NSUN4: variants seen among roughly 807,000 people sequenced by gnomAD.
NSUN4 encodes 5-cytosine rRNA methyltransferase NSUN4.
A neutral mutation model predicts 43.8 loss-of-function variants in NSUN4; 31 were observed. The ratio of observed to expected loss-of-function variants is 0.71; its 90% confidence interval spans 0.53 to 0.96. The LOEUF (loss-of-function observed/expected upper bound fraction) is 0.96, where lower values mean the gene tolerates loss of function less well. Ranked by LOEUF, NSUN4 falls within the 40% of genes least tolerant of loss-of-function variation. The probability of loss-of-function intolerance (pLI) is 0.00; values close to 1 mark genes in which losing one functional copy is unlikely to be tolerated. For synonymous variants in NSUN4, 167 were observed against 184.1 expected, an observed-to-expected ratio of 0.91 and a Z score of 0.75; for missense variants, 439 against 475.6, an observed-to-expected ratio of 0.92 and a Z score of 0.72.
intron 1 of NSUN4, chr1:46,342,749 C>G: frequency 2.5e-6 from 1 of 399,320 alleles, no homozygotes; most frequent in Non-Finnish European, 4.4e-6. Flanking sequence ...CAGTTTCCCC[C>G]CAACCGAAGT....
chr1:46,349,444 G>A (rs1662820654), intron 3 of NSUN4, among the ~76,000 whole-genome samples: 1 of 152,134 alleles, frequency 6.6e-6, no homozygotes, highest in South Asian at 2.1e-4. Context: ...CTGGCGCCTT[G>A]TGCACTGTTA....
intron 1 of NSUN4, chr1:46,341,466 G>A: frequency 2.9e-6 from 3 of 1,017,470 alleles, no homozygotes; most frequent in Non-Finnish European, 3.5e-6. Flanking sequence ...CGACCACCCT[G>A]TCCATACTGC....
At chr1:46,344,473 A>G (rs1340361049) in intron 1 of NSUN4, among the ~76,000 whole-genome samples, 1 of 152,168 alleles carries the variant, frequency 6.6e-6, no homozygotes, top group Non-Finnish European at 1.5e-5. Context: ...GAGCCTCCAT[A>G]GTTTCTCCTA....
chr1:46,354,005 G>T (rs1461728540), intron 4 of NSUN4, among the ~76,000 whole-genome samples: 1 of 152,074 alleles, frequency 6.6e-6, no homozygotes, highest in Non-Finnish European at 1.5e-5. Flanking sequence ...CCCACATGCT[G>T]CCAATATTGG....
At chr1:46,360,929 T>C in intron 5 of NSUN4, 101 bp downstream of exon 5, 2 of 1,332,962 alleles carry the variant, frequency 1.5e-6, no homozygotes, top group Non-Finnish European at 2.1e-6. Flanking sequence ...ACAAGAATCT[T>C]ATGGCTGGAG....
the NSUN4 span, among the ~76,000 whole-genome samples, chr1:46,375,736 CAAAAAAAAAAA>C: frequency 1.4e-5 from 1 of 69,902 alleles, no homozygotes; most frequent in African/African-American, 6.4e-5. Flanking sequence ...GACTCTGTCT[CAAAAAAAAAAA>C]AAAAAAAAAA....
chr1:46,344,945 T>A lies in NSUN4; in HGVS notation c.238T>A (p.Phe80Ile). 1 of 1,614,174 alleles carries A rather than the reference T, an allele frequency of 6.2e-7. No individual in the cohort carries two copies. The highest frequency in any genetic ancestry group is 1.1e-5 in the South Asian group (1 of 91,078). The change falls in exon 2 of 6, where the codon TTT becomes ATT. Residue 80 changes from phenylalanine (F) to isoleucine (I), a missense_variant. Coordinates refer to ENST00000474844, the MANE Select transcript of NSUN4 (RefSeq NM_199044.4). The part of the protein sequence containing the change: ...EQKYGALVNN[F>I]AAWDHVSAKL... Reference sequence around the variant, plus strand: ...GAAGTATGGTGCACTGGTCAATAACTTTGCTGCCTGGGATCATGTAAGTGC... The same window carrying A: ...GAAGTATGGTGCACTGGTCAATAACATTGCTGCCTGGGATCATGTAAGTGC...
At chr1:46,373,090 T>C in the NSUN4 span, among the ~76,000 whole-genome samples, 1 of 152,332 alleles carries the variant, frequency 6.6e-6, no homozygotes, top group South Asian at 2.1e-4. Flanking sequence ...ATCTGAGACC[T>C]CATTAGAATG....
chr1:46,362,047 C>T lies in NSUN4; in HGVS notation c.*201C>T. On this transcript the variant is annotated 3_prime_UTR_variant, in exon 6 of 6. Transcript: ENST00000474844. ...GTGGAGCATCAGCAGGTTTCCAACT[C>T]ACTCATTAACCCCTACCCCATCTCC... 1.7e-6 allele frequency: 1 copy of T among 605,970 alleles called. No homozygotes were observed. Among genetic ancestry groups the T allele is most frequent in the Admixed American group, 3.0e-5 (1 of 33,608 alleles). 37.5% of individuals were successfully genotyped at this position (605,970 alleles called of 1,614,324 possible). A position where few individuals can be genotyped will look rare whatever the true frequency, so the allele number is the denominator to read the frequency against.
At chr1:46,347,859 C>CTTTTTTT (rs112974748) in intron 3 of NSUN4, among the ~76,000 whole-genome samples, 3 of 143,158 alleles carry the variant, frequency 2.1e-5, no homozygotes, top group Non-Finnish European at 1.5e-5. Flanking sequence ...TTTTGACTTT[C>CTTTTTTT]TTTTTTTTTT....
chr1:46,345,212 C>G, intron 2 of NSUN4, 68 bp downstream of exon 2: 4 of 1,155,600 alleles, frequency 3.5e-6, no homozygotes, highest in Non-Finnish European at 4.9e-6. Context: ...TGAGACCCAG[C>G]TTCTACCCTC....
At position 46,360,473 on chromosome 1, in the gene NSUN4, A is replaced by T. The variant is rs192088970; in HGVS notation, c.754-231A>T. Among the ~76,000 whole-genome samples, 130 of 151,218 alleles carry T rather than the reference A, an allele frequency of 8.6e-4. 1 individual carries two copies. Among genetic ancestry groups the T allele is most frequent in the African/African-American group, 2.9e-3 (118 of 41,222 alleles). On this transcript the variant is annotated intron_variant, in intron 4 of 5. Coordinates refer to ENST00000474844, the MANE Select transcript of NSUN4 (RefSeq NM_199044.4). ...AAAAAATTATAGTTACTTGTGTGTTAGTTTTGGGTTTTTGACCAGCCATGA... is the reference window on the plus strand; with the variant it reads ...AAAAAATTATAGTTACTTGTGTGTTTGTTTTGGGTTTTTGACCAGCCATGA...
At chr1:46,341,875 G>C in intron 1 of NSUN4, 1 of 1,232,880 alleles carries the variant, frequency 8.1e-7, no homozygotes, top group Non-Finnish European at 1.0e-6. Context: ...GGCACGTACT[G>C]TGACCAGCAC....
intron 1 of NSUN4, chr1:46,343,733 T>A (rs1662286038): frequency 2.5e-6 from 1 of 400,308 alleles, no homozygotes; most frequent in South Asian, 1.3e-4. Flanking sequence ...GTCCCCAACT[T>A]AGCATAAATG....
At chr1:46,371,819 G>A in the NSUN4 span, among the ~76,000 whole-genome samples, 1 of 152,060 alleles carries the variant, frequency 6.6e-6, no homozygotes. Flanking sequence ...AAGTGGGGGT[G>A]GAGGTGGGCG....
chr1:46,367,826 G>A (rs1436302065), downstream of NSUN4, among the ~76,000 whole-genome samples: 1 of 144,460 alleles, frequency 6.9e-6, no homozygotes, highest in Non-Finnish European at 1.5e-5. Flanking sequence ...GTGCCGTGGT[G>A]TGATCTCGGC....
rs1207243327 is a variant in NSUN4 at position 46,360,755 on chromosome 1, G to T, written c.805G>T (p.Glu269Ter). The T allele has an allele frequency of 6.2e-7, 1 of 1,613,934 alleles. No individual in the cohort carries two copies. The highest frequency in any genetic ancestry group is 8.5e-7 in the Non-Finnish European group (1 of 1,179,922). Residue 269 changes from glutamate (E) to a stop codon, truncating the protein, a stop_gained, in exon 5 of 6, where the codon GAG becomes TAG. Transcript: ENST00000474844. LOFTEE classifies it high-confidence loss of function. ...AGACCGCCACTCCCTTCATGAGGAG[G>T]AGAACAACATCTTTAAGCGGTCAAG... is the stretch of plus-strand genomic sequence containing the variant. Reference protein sequence around the residue: ...TTDRHSLHEEENNIFKRSRKK... With the variant: ...TTDRHSLHEE
downstream of NSUN4, among the ~76,000 whole-genome samples, chr1:46,366,888 G>A (rs1219253034): frequency 6.6e-6 from 1 of 152,024 alleles, no homozygotes; most frequent in Non-Finnish European, 1.5e-5. Flanking sequence ...CACAGCAGAG[G>A]GTCAGGTATT....
In NSUN4 at chr1:46,344,980, G is replaced by A; in HGVS notation, c.273G>A (p.Glu91=). 1 of 1,614,234 alleles carries A rather than the reference G, an allele frequency of 6.2e-7. No individual in the cohort carries two copies. Among genetic ancestry groups the A allele is most frequent in the Non-Finnish European group, 8.5e-7 (1 of 1,180,042 alleles). Residue 91 remains glutamate (E), a synonymous_variant, in exon 2 of 6, where the codon GAG becomes GAA. Transcript: ENST00000474844. ...AAWDHVSAKL[E]QLSAKDFVNE... is the part of the protein sequence containing the mutation. ...GGGATCATGTAAGTGCTAAGCTGGA[G>A]CAGCTGAGTGCCAAGGATTTTGTGA...
Sources: gnomAD v4.1 joint callset for allele counts (sites outside exome capture counted in the v4.1 genomes callset) on GRCh38, gnomAD v4.1.1 for gene constraint, MANE v1.5 for transcripts, NCBI Gene and HGNC (gene_info 2026-07-23, HGNC 2026-07-21) for gene names.